The following AUTS2 variants were observed in gnomAD, a reference collection of about 807,000 sequenced individuals.
The protein encoded by AUTS2 is activator of transcription and developmental regulator AUTS2.
In AUTS2, 17 loss-of-function variants were observed where a neutral mutation model predicts 112.4. The ratio of observed to expected loss-of-function variants is 0.15; its 90% CI spans 0.10 to 0.23. AUTS2 has a LOEUF of 0.23. Ranked by LOEUF, AUTS2 falls within the 10% of genes least tolerant of loss-of-function variation. The probability of loss-of-function intolerance (pLI) is 1.00; values close to 1 mark genes in which losing one functional copy is unlikely to be tolerated. For missense variants in AUTS2, 1,510 were observed against 1,701.6 expected, an observed-to-expected ratio of 0.89 and a Z score of 1.98; for synonymous variants, 751 against 702.7, an observed-to-expected ratio of 1.07 and a Z score of -1.09.
intron 2 of AUTS2, among the ~76,000 whole-genome samples, chr7:69,957,679 A>G (rs895660222): frequency 2.0e-4 from 30 of 152,122 alleles, no homozygotes; most frequent in African/African-American, 6.5e-4. Flanking sequence ...ATTAATGGGT[A>G]TCTTGGGGTC....
At chr7:70,019,419 A>C (rs1239586242) in intron 2 of AUTS2, among the ~76,000 whole-genome samples, 2 of 152,240 alleles carry the variant, frequency 1.3e-5, no homozygotes, top group African/African-American at 4.8e-5. Context: ...TTAAAAGCTA[A>C]ATTAAAAAAC....
chr7:70,415,070 T>TG (rs1429209763), intron 4 of AUTS2, among the ~76,000 whole-genome samples: 2 of 152,166 alleles, frequency 1.3e-5, no homozygotes, highest in African/African-American at 4.8e-5. Flanking sequence ...CCCTCAGAGG[T>TG]GAGTGTCAAC....
At chr7:70,486,901 C>T (rs1184183999) in intron 5 of AUTS2, among the ~76,000 whole-genome samples, 1 of 113,768 alleles carries the variant, frequency 8.8e-6, no homozygotes, top group African/African-American at 3.8e-5. Context: ...TTGTATTCCC[C>T]CCCCCCCAAA....
intron 5 of AUTS2, among the ~76,000 whole-genome samples, chr7:70,537,917 C>T (rs1181355594): frequency 2.0e-5 from 3 of 152,204 alleles, no homozygotes; most frequent in Admixed American, 6.5e-5. Context: ...CCTGCAAGAA[C>T]ATGGGACAGC....
At chr7:69,683,642 A>C (rs1796918779) in intron 1 of AUTS2, among the ~76,000 whole-genome samples, 1 of 151,986 alleles carries the variant, frequency 6.6e-6, no homozygotes, top group South Asian at 2.1e-4. Flanking sequence ...CACACCTGTA[A>C]TCCCAGCACT....
At chr7:70,082,326 C>G (rs771577134) in intron 2 of AUTS2, among the ~76,000 whole-genome samples, 2 of 152,068 alleles carry the variant, frequency 1.3e-5, no homozygotes, top group Non-Finnish European at 2.9e-5. Context: ...AAAACTTTTT[C>G]GAAATCATCC....
intron 5 of AUTS2, among the ~76,000 whole-genome samples, chr7:70,447,231 A>C (rs1244629715): frequency 6.6e-6 from 1 of 152,188 alleles, no homozygotes; most frequent in Non-Finnish European, 1.5e-5. Flanking sequence ...GGTGTTTTAC[A>C]CATTATCTTA....
intron 5 of AUTS2, among the ~76,000 whole-genome samples, chr7:70,658,875 T>C (rs181171301): frequency 5.3e-5 from 8 of 152,300 alleles, no homozygotes; most frequent in Admixed American, 3.9e-4. Flanking sequence ...GCAGAGCTAA[T>C]GTATTATTTT....
At chr7:70,400,934 C>T (rs1794300656) in intron 4 of AUTS2, among the ~76,000 whole-genome samples, 1 of 152,120 alleles carries the variant, frequency 6.6e-6, no homozygotes, top group Non-Finnish European at 1.5e-5. Context: ...GTTAATCTGG[C>T]AGCAGCGTAC....
intron 2 of AUTS2, among the ~76,000 whole-genome samples, chr7:69,910,999 C>A (rs1261422057): frequency 6.6e-6 from 1 of 152,302 alleles, no homozygotes; most frequent in African/African-American, 2.4e-5. Flanking sequence ...TGGGAAAGAC[C>A]CCCATGATTC....
At chr7:69,974,502 T>G (rs1797979202) in intron 2 of AUTS2, among the ~76,000 whole-genome samples, 1 of 152,062 alleles carries the variant, frequency 6.6e-6, no homozygotes, top group South Asian at 2.1e-4. Flanking sequence ...TCAGTCTGAC[T>G]CTGAAGGCCT....
intron 4 of AUTS2, among the ~76,000 whole-genome samples, chr7:70,416,593 T>C (rs1794996232): frequency 6.6e-6 from 1 of 152,218 alleles, no homozygotes. Context: ...CTTAATTCAG[T>C]TCCCTAACTC....
At chr7:70,570,854 C>T (rs1245179791) in intron 5 of AUTS2, among the ~76,000 whole-genome samples, 1 of 152,074 alleles carries the variant, frequency 6.6e-6, no homozygotes, top group East Asian at 1.9e-4. Flanking sequence ...CCTTAGTGTA[C>T]AGGGGCACCC....
intron 4 of AUTS2, among the ~76,000 whole-genome samples, chr7:70,254,262 A>G (rs1338654736): frequency 2.0e-5 from 3 of 152,204 alleles, no homozygotes; most frequent in African/African-American, 7.2e-5. Flanking sequence ...AAAATCAAGT[A>G]ATTATGTCTT....
At chr7:70,132,919 T>C (rs1806354658) in intron 3 of AUTS2, among the ~76,000 whole-genome samples, 1 of 152,174 alleles carries the variant, frequency 6.6e-6, no homozygotes, top group Non-Finnish European at 1.5e-5. Context: ...GACTCCAAGC[T>C]GGTGGAGACC....
chr7:70,479,619 T>C (rs1337742346), intron 5 of AUTS2, among the ~76,000 whole-genome samples: 1 of 138,318 alleles, frequency 7.2e-6, no homozygotes. Context: ...TTGCCATATA[T>C]AATATCATGT....
intron 1 of AUTS2, among the ~76,000 whole-genome samples, chr7:69,683,580 T>G (rs1211436525): frequency 1.3e-5 from 2 of 149,798 alleles, no homozygotes; most frequent in African/African-American, 4.9e-5. Flanking sequence ...ACCCTGTGTC[T>G]AAAAAACCCC....
chr7:69,678,371 G>A lies in AUTS2; in HGVS notation c.309+78409G>A, dbSNP rs544885792. ...TACAGCCTCTTGAATTGACTTCTGG[G>A]TGTTACAGATGGGACCAGCGTGTGT... On this transcript the variant is annotated intron_variant, in intron 1 of 18. Transcript: ENST00000342771. Among the ~76,000 whole-genome samples, 43 of 152,192 alleles carry A rather than the reference G, an allele frequency of 2.8e-4. 1 individual carries two copies. In the South Asian group the frequency reaches 8.7e-3, roughly 31 times the overall value.
At chr7:70,004,196 ATATT>A (rs1799407306) in intron 2 of AUTS2, among the ~76,000 whole-genome samples, 2 of 134,548 alleles carry the variant, frequency 1.5e-5, no homozygotes, top group African/African-American at 5.4e-5. Flanking sequence ...ATGTGAATAT[ATATT>A]ATATATATGA....
Sources: allele counts gnomAD v4.1 joint callset (sites outside exome capture counted in the v4.1 genomes callset), GRCh38; gene constraint gnomAD v4.1.1; transcripts MANE v1.5; gene names NCBI Gene and HGNC (gene_info 2026-07-23, HGNC 2026-07-21).